Variants in PDE4B observed in about 807,000 individuals in gnomAD.
The protein encoded by PDE4B is phosphodiesterase 4B.
PDE4B carries 20 observed loss-of-function variants against 82.2 expected under a neutral mutation model. The ratio of observed to expected loss-of-function variants is 0.24; its 90% CI spans 0.17 to 0.35. The LOEUF (loss-of-function observed/expected upper bound fraction) is 0.35, where lower values mean the gene tolerates loss of function less well. Among genes scored for constraint, PDE4B ranks in the 10% least tolerant of loss-of-function variants. The pLI, the probability that PDE4B is intolerant of heterozygous loss-of-function variation, is 1.00. For synonymous variants in PDE4B, 320 were observed against 318.9 expected (o/e 1.00, Z -0.04); for missense variants, 655 against 907.2 (o/e 0.72, Z 3.57).
intron 16 of PDE4B, among the ~76,000 whole-genome samples, chr1:66,370,254 T>G (rs1305581829): frequency 6.6e-6 from 1 of 151,446 alleles, no homozygotes; most frequent in Non-Finnish European, 1.5e-5. Context: ...TGAGGGTTAA[T>G]TCGAATAGCC....
chr1:65,922,193 A>G (rs984804835), intron 3 of PDE4B, among the ~76,000 whole-genome samples: 2 of 152,242 alleles, frequency 1.3e-5, no homozygotes, highest in African/African-American at 2.4e-5. Flanking sequence ...TACAATCTCC[A>G]AAAGACACAA....
chr1:66,307,354 G>A (rs1451285434), intron 7 of PDE4B, among the ~76,000 whole-genome samples: 1 of 152,120 alleles, frequency 6.6e-6, no homozygotes, highest in African/African-American at 2.4e-5. Context: ...AGTGAGGATA[G>A]TACTGAAATT....
At chr1:66,029,661 T>C (rs971069295) in intron 3 of PDE4B, among the ~76,000 whole-genome samples, 1 of 152,174 alleles carries the variant, frequency 6.6e-6, no homozygotes, top group African/African-American at 2.4e-5. Context: ...TGATATGAAA[T>C]ATAAGTCATA....
intron 3 of PDE4B, among the ~76,000 whole-genome samples, chr1:66,080,782 C>G (rs151101443): frequency 6.6e-6 from 1 of 152,160 alleles, no homozygotes; most frequent in East Asian, 1.9e-4. Flanking sequence ...AATTGTGGGT[C>G]CATGTGCAGG....
chr1:66,330,607 T>C (rs901772752), intron 7 of PDE4B: 4 of 165,240 alleles, frequency 2.4e-5, no homozygotes, highest in African/African-American at 7.2e-5. Context: ...GTGGAAGACA[T>C]GAAGGTAGTA....
At chr1:66,370,150 C>CAAAAAAAAAAAAAAA (rs752920376) in intron 16 of PDE4B, among the ~76,000 whole-genome samples, 2 of 28,654 alleles carry the variant, frequency 7.0e-5, no homozygotes, top group African/African-American at 9.0e-5. Flanking sequence ...GACTCTATCT[C>CAAAAAAAAAAAAAAA]AAAAAAAAAA....
chr1:66,262,420 G>T (rs116332246), intron 6 of PDE4B, among the ~76,000 whole-genome samples: 2,592 of 152,302 alleles, frequency 0.017, 24 homozygotes, highest in Middle Eastern at 0.054. Flanking sequence ...CCAGAGCCAG[G>T]ATTAGGATTC....
At chr1:66,090,621 A>ATATGTGTGTGTGTGTGTGTG in intron 3 of PDE4B, among the ~76,000 whole-genome samples, 1 of 122,738 alleles carries the variant, frequency 8.1e-6, no homozygotes, top group African/African-American at 4.1e-5. Context: ...TATATAATAT[A>ATATGTGTGTGTGTGTGTGTG]TGTGTGTGTG....
intron 3 of PDE4B, among the ~76,000 whole-genome samples, chr1:66,006,666 G>C (rs1652167154): frequency 6.6e-6 from 1 of 152,088 alleles, no homozygotes; most frequent in Admixed American, 6.6e-5. Context: ...GGAGGTAATT[G>C]AATCATGGAG....
At chr1:66,354,871 T>C (rs1232415495) in intron 8 of PDE4B, 3 of 1,535,700 alleles carry the variant, frequency 2.0e-6, no homozygotes, top group Admixed American at 2.0e-5. Context: ...TTATTTGTTA[T>C]CTGTATCTTG....
intron 3 of PDE4B, among the ~76,000 whole-genome samples, chr1:66,194,837 T>C (rs1332387816): frequency 6.6e-6 from 1 of 152,078 alleles, no homozygotes; most frequent in Non-Finnish European, 1.5e-5. Flanking sequence ...CTTCCCCAAT[T>C]CATAACAGAG....
At chr1:65,799,032 C>T (rs1645665910) in intron 1 of PDE4B, among the ~76,000 whole-genome samples, 1 of 152,090 alleles carries the variant, frequency 6.6e-6, no homozygotes, top group Non-Finnish European at 1.5e-5. Context: ...AAGTAAATGA[C>T]ATTATTTCCA....
At chr1:65,808,779 A>G (rs544305479) in intron 1 of PDE4B, among the ~76,000 whole-genome samples, 1 of 152,330 alleles carries the variant, frequency 6.6e-6, no homozygotes, top group East Asian at 1.9e-4. Context: ...TTCTATGTGT[A>G]TCCTGTACTT....
intron 7 of PDE4B, among the ~76,000 whole-genome samples, chr1:66,287,921 C>T (rs1656796252): frequency 6.6e-6 from 1 of 152,066 alleles, no homozygotes; most frequent in Non-Finnish European, 1.5e-5. Context: ...TGGCAGTGAG[C>T]TATGATTGTG....
At chr1:66,023,336 A>G (rs1386351599) in intron 3 of PDE4B, among the ~76,000 whole-genome samples, 1 of 152,174 alleles carries the variant, frequency 6.6e-6, no homozygotes, top group Admixed American at 6.5e-5. Flanking sequence ...AAAGTTTCCT[A>G]TGCACTAAGG....
At chr1:66,371,565 AT>A (rs1436515437) in intron 16 of PDE4B, among the ~76,000 whole-genome samples, 1 of 152,034 alleles carries the variant, frequency 6.6e-6, no homozygotes, top group African/African-American at 2.4e-5. Flanking sequence ...ATTGTTTTTT[AT>A]TTTCCCTTCT....
intron 3 of PDE4B, among the ~76,000 whole-genome samples, chr1:66,032,931 G>C (rs145684683): frequency 1.5e-3 from 225 of 152,228 alleles, no homozygotes; most frequent in African/African-American, 5.1e-3. Flanking sequence ...TGGGATTACA[G>C]GCGTGAGCCA....
intron 1 of PDE4B, among the ~76,000 whole-genome samples, chr1:65,870,172 T>C (rs1322623273): frequency 1.3e-5 from 2 of 152,208 alleles, no homozygotes; most frequent in South Asian, 2.1e-4. Context: ...TTAGTTCTTA[T>C]GCATTTATAT....
At chr1:65,940,459 CT>C (rs2100544668) in intron 3 of PDE4B, among the ~76,000 whole-genome samples, 1 of 152,098 alleles carries the variant, frequency 6.6e-6, no homozygotes, top group Non-Finnish European at 1.5e-5. Context: ...CATTATTTGA[CT>C]TTAAAAAAAT....
Sources: allele counts gnomAD v4.1 joint callset (sites outside exome capture counted in the v4.1 genomes callset), GRCh38; gene constraint gnomAD v4.1.1; transcripts MANE v1.5; gene names NCBI Gene and HGNC (gene_info 2026-07-23, HGNC 2026-07-21).